VASH2: variants seen among roughly 807,000 people sequenced by gnomAD.
The protein encoded by VASH2 is vasohibin 2.
Under a neutral mutation model 37.2 loss-of-function variants are expected in VASH2, and 28 were observed. The observed-to-expected ratio is 0.75, with a 90% CI of 0.56 to 1.03. The LOEUF (loss-of-function observed/expected upper bound fraction) is 1.03. VASH2 is among the 50% of genes least tolerant of loss of function. VASH2 has a pLI of 0.00. For synonymous variants in VASH2, 188 were observed against 174.7 expected, an observed-to-expected ratio of 1.08 and a Z score of -0.60; for missense variants, 419 against 459.1, an observed-to-expected ratio of 0.91 and a Z score of 0.80.
chr1:212,986,467 G>A (rs1186248632), intron 7 of VASH2, among the ~76,000 whole-genome samples: 1 of 152,186 alleles, frequency 6.6e-6, no homozygotes, highest in East Asian at 1.9e-4. Flanking sequence ...AGATGCATGT[G>A]GACTCTTTAA....
intron 2 of VASH2, among the ~76,000 whole-genome samples, chr1:212,959,166 C>T (rs1217511678): frequency 2.6e-5 from 4 of 152,254 alleles, no homozygotes; most frequent in Non-Finnish European, 5.9e-5. Flanking sequence ...CTCCCCTTCT[C>T]TCCCCACTTT....
chr1:212,961,035 G>A (rs995295481), intron 2 of VASH2, 131 bp from the exon 3 acceptor site: 1 of 815,780 alleles, frequency 1.2e-6, no homozygotes, highest in Non-Finnish European at 2.0e-6. Flanking sequence ...AACCACACCA[G>A]GGTGACCATG....
chr1:212,983,846 G>A (rs1667403229), intron 7 of VASH2, among the ~76,000 whole-genome samples: 1 of 152,200 alleles, frequency 6.6e-6, no homozygotes, highest in African/African-American at 2.4e-5. Flanking sequence ...AGGTGGCAGA[G>A]GAAGGGTGAA....
rs535505734 is a variant in VASH2 at position 212,972,895 on chromosome 1, C to T, written c.813C>T (p.Val271=). 28 of 1,613,992 alleles carry T rather than the reference C, an allele frequency of 1.7e-5. No homozygotes were observed. Residue 271 remains valine (V), a synonymous_variant, in exon 6 of 8, where the codon GTC becomes GTT. Transcript: ENST00000517399. The part of the protein sequence containing the change: ...PIEWKQLVLN[V]SKMLRADIRK... ...AGTGGAAGCAGCTGGTCCTCAACGT[C>T]TCAAAGATGCTGAGGGCTGACATAA...
At position 212,988,723 on chromosome 1, in the gene VASH2, A is replaced by C; in HGVS notation, c.*139A>C. 1.1e-6 allele frequency: 1 copy of C among 929,944 alleles called. No individual in the cohort carries two copies. The highest frequency in any genetic ancestry group is 1.5e-5 in the South Asian group (1 of 65,886). 57.6% of individuals were successfully genotyped at this position (929,944 alleles called of 1,614,324 possible). The stretch of plus-strand genomic sequence containing the variant: ...AGGATTCACCTGGAAATAGAATCTG[A>C]GTGGGTGGTAACCATTAGCTTTAAA... On this transcript the variant is annotated 3_prime_UTR_variant, in exon 8 of 8. Transcript: ENST00000517399.
At chr1:212,966,574 C>T (rs1374406111) in intron 5 of VASH2, among the ~76,000 whole-genome samples, 1 of 152,222 alleles carries the variant, frequency 6.6e-6, no homozygotes, top group African/African-American at 2.4e-5. Flanking sequence ...GCTTCAGCCT[C>T]CATCAGGTCC....
intron 2 of VASH2, 102 bp from the exon 3 acceptor site, chr1:212,961,064 A>T: frequency 8.9e-7 from 1 of 1,127,122 alleles, no homozygotes; most frequent in Admixed American, 1.8e-5. Context: ...GGCTCTCAGG[A>T]GCACCTCTCT....
Position 212,967,203 on chromosome 1 carries a change from T to A in VASH2, c.497+858T>A. On this transcript the variant is annotated intron_variant, in intron 5 of 7. Transcript: ENST00000517399. The stretch of plus-strand genomic sequence containing the variant: ...CCGGCTCTTCAGCCTGAGAGGAATA[T>A]GGTGCAGAGAAACTGTGATGGCATC... 3 of 1,303,670 alleles carry A rather than the reference T, an allele frequency of 2.3e-6. No individual in the cohort carries two copies. In the South Asian group the frequency reaches 3.7e-5, roughly 16 times the overall value. 80.8% of individuals were successfully genotyped at this position (1,303,670 alleles called of 1,614,324 possible).
chr1:212,965,651 A>G (rs150897902), intron 3 of VASH2, 71 bp from the exon 4 acceptor site: 377 of 1,383,338 alleles, frequency 2.7e-4, no homozygotes, highest in African/African-American at 2.7e-3. Flanking sequence ...ATCAGAATGC[A>G]TAGCTTTCTC....
chr1:212,969,612 G>A (rs1666950497), intron 5 of VASH2, among the ~76,000 whole-genome samples: 1 of 152,152 alleles, frequency 6.6e-6, no homozygotes, highest in African/African-American at 2.4e-5. Flanking sequence ...TGTTGACCAG[G>A]CTGATCTTGA....
In VASH2 at chr1:212,991,324, G is replaced by A. The variant is rs535086899; in HGVS notation, c.*2740G>A. The A allele has an allele frequency of 7.2e-5, 11 of 152,236 alleles. No individual in the cohort carries two copies. Among genetic ancestry groups the A allele is most frequent in the Non-Finnish European group, 7.4e-5 (5 of 68,012 alleles). 9.4% of individuals were successfully genotyped at this position (152,236 alleles called of 1,614,324 possible). On this transcript the variant is annotated 3_prime_UTR_variant, in exon 8 of 8. Transcript: ENST00000517399. ...AGTCTTTTGTAAGCTATAGTTTTAT[G>A]TACAACCTTGTACAGTTTTTTTGAC...
chr1:212,985,198 CTTTTTTTTT>C (rs55804989), intron 7 of VASH2, among the ~76,000 whole-genome samples: 3 of 100,830 alleles, frequency 3.0e-5, no homozygotes, highest in Non-Finnish European at 3.7e-5. Flanking sequence ...ATTTTTTTTG[CTTTTTTTTT>C]TTTTTTTTTT....
Position 212,951,778 on chromosome 1 carries a change from A to G in VASH2, c.236A>G (p.Glu79Gly). Reference protein sequence around the residue: ...HVAKVHPKGGEMVGAIRNAAF... With the variant: ...HVAKVHPKGGGMVGAIRNAAF... ...GCCAAGGTGCACCCTAAGGGGGGAG[A>G]AATGGTGGGCGCCATCAGGAACGCC... is the stretch of plus-strand genomic sequence containing the variant. The change falls in exon 2 of 8, where the codon GAA becomes GGA. Residue 79 changes from glutamate to glycine, a missense_variant. By Grantham distance (98) the Glu-to-Gly change is moderately conservative (BLOSUM62 -2). Around this residue, in one of 3 missense-constraint regions of VASH2, gnomAD observed 158 missense variants for 163.0 expected, o/e 0.97. Coordinates refer to ENST00000517399, the MANE Select transcript of VASH2 (RefSeq NM_001301056.2). The surrounding 1 kb of genome is among the most constrained non-coding windows in gnomAD (Gnocchi z 4.4). 1 of 1,608,400 alleles carries G rather than the reference A, an allele frequency of 6.2e-7. No individual in the cohort carries two copies. Among genetic ancestry groups the G allele is most frequent in the Non-Finnish European group, 8.5e-7 (1 of 1,178,558 alleles).
At chr1:212,983,914 A>G (rs943239410) in intron 7 of VASH2, among the ~76,000 whole-genome samples, 3 of 152,180 alleles carry the variant, frequency 2.0e-5, no homozygotes, top group Non-Finnish European at 2.9e-5. Flanking sequence ...TCTGGCTCCA[A>G]CACTTGCTAA....
At chr1:212,968,242 T>C in intron 5 of VASH2, 2 of 985,368 alleles carry the variant, frequency 2.0e-6, no homozygotes, top group Non-Finnish European at 2.4e-6. Context: ...TACTGTTCAA[T>C]AAGTGAAAGG....
chr1:212,957,712 G>T (rs979490697), intron 2 of VASH2, among the ~76,000 whole-genome samples: 4 of 150,364 alleles, frequency 2.7e-5, no homozygotes, highest in African/African-American at 4.9e-5. Flanking sequence ...TCAGGTTTAA[G>T]CAATTCTCCT....
chr1:212,956,132 C>T (rs1056976273), intron 2 of VASH2, among the ~76,000 whole-genome samples: 1 of 152,256 alleles, frequency 6.6e-6, no homozygotes, highest in East Asian at 1.9e-4. Context: ...CCTGGTCTTT[C>T]CCTTCTCTGC....
intron 2 of VASH2, among the ~76,000 whole-genome samples, chr1:212,958,352 T>C (rs1014653075): frequency 3.3e-5 from 5 of 152,228 alleles, no homozygotes; most frequent in Non-Finnish European, 7.3e-5. Flanking sequence ...TGTCCTCCCG[T>C]TGGGCAGGAA....
chr1:212,961,606 A>G (rs542284432), intron 3 of VASH2, among the ~76,000 whole-genome samples: 15 of 151,328 alleles, frequency 9.9e-5, no homozygotes, highest in Admixed American at 9.9e-4. Flanking sequence ...GTTCTCCTTC[A>G]CTGTCCTTCT....
Sources: allele counts gnomAD v4.1 joint callset (sites outside exome capture counted in the v4.1 genomes callset), GRCh38; gene constraint gnomAD v4.1.1; regional missense constraint gnomAD v4.1.1; non-coding constraint Gnocchi (gnomAD v3.1); transcripts MANE v1.5; gene names NCBI Gene and HGNC (gene_info 2026-07-23, HGNC 2026-07-21).